Variants in ADAMTSL3 observed in about 807,000 individuals in gnomAD.
The protein encoded by ADAMTSL3 is ADAMTS like 3.
In ADAMTSL3, 128 loss-of-function variants were observed where a neutral mutation model predicts 201.7. The observed-to-expected ratio is 0.63, with a 90% CI of 0.55 to 0.73. ADAMTSL3 has a LOEUF of 0.73. Among genes scored for constraint, ADAMTSL3 ranks in the 30% least tolerant of loss-of-function variants. The probability of loss-of-function intolerance (pLI) is 0.00; values close to 1 mark genes in which losing one functional copy is unlikely to be tolerated. For synonymous variants in ADAMTSL3, 738 were observed against 748.4 expected, an observed-to-expected ratio of 0.99 and a Z score of 0.23; for missense variants, 1,990 against 2,119.6, an observed-to-expected ratio of 0.94 and a Z score of 1.20.
At chr15:83,984,161 C>G (rs1030489379) in intron 21 of ADAMTSL3, among the ~76,000 whole-genome samples, 2 of 152,144 alleles carry the variant, frequency 1.3e-5, no homozygotes, top group Admixed American at 6.5e-5. Context: ...ATACAAAGTA[C>G]TATAGACATT....
intron 21 of ADAMTSL3, among the ~76,000 whole-genome samples, chr15:83,986,991 G>C (rs2067492097): frequency 6.6e-6 from 1 of 152,186 alleles, no homozygotes; most frequent in Non-Finnish European, 1.5e-5. Flanking sequence ...CGCATGCTCA[G>C]CTATTTCTGA....
chr15:83,788,779 C>G (rs982301698), intron 4 of ADAMTSL3, among the ~76,000 whole-genome samples: 1 of 151,888 alleles, frequency 6.6e-6, no homozygotes, highest in Non-Finnish European at 1.5e-5. Context: ...ATGATTTCTT[C>G]TATTCATTTT....
At chr15:83,783,927 C>G (rs1240253120) in intron 4 of ADAMTSL3, among the ~76,000 whole-genome samples, 3 of 151,836 alleles carry the variant, frequency 2.0e-5, no homozygotes. Flanking sequence ...TTGATCAAGT[C>G]CCTTGCAAAT....
At chr15:83,743,051 T>C (rs539677852) in intron 3 of ADAMTSL3, among the ~76,000 whole-genome samples, 1 of 152,320 alleles carries the variant, frequency 6.6e-6, no homozygotes, top group Non-Finnish European at 1.5e-5. Flanking sequence ...TGCTTATATC[T>C]AGTACTTACA....
chr15:83,890,005 A>T, intron 10 of ADAMTSL3, 104 bp from the exon 11 acceptor site: 2 of 1,271,374 alleles, frequency 1.6e-6, no homozygotes, highest in Non-Finnish European at 2.2e-6. Context: ...CCACTGAGTT[A>T]AGTTTCTTAA....
At position 83,807,246 on chromosome 15, in the gene ADAMTSL3, G is replaced by A. The variant is rs572827914; in HGVS notation, c.363+2551G>A. On this transcript the variant is annotated intron_variant, in intron 5 of 29. Transcript: ENST00000286744. ...TGAGGCAGGTGGATCACGAGGTCAG[G>A]AATTCAAAAACTAGCCTGGCCAACA... 1.2e-4 allele frequency among the ~76,000 whole-genome samples: 18 copies of A among 152,258 alleles called. 1 individual carries two copies. The South Asian group carries it at 3.7e-3, about 32-fold the overall frequency.
At chr15:84,020,705 T>C (rs913972151) in intron 25 of ADAMTSL3, among the ~76,000 whole-genome samples, 1 of 152,216 alleles carries the variant, frequency 6.6e-6, no homozygotes, top group Non-Finnish European at 1.5e-5. Flanking sequence ...CATCATCATG[T>C]CCTACCTCAT....
At chr15:83,877,224 C>T (rs1270380826) in intron 9 of ADAMTSL3, among the ~76,000 whole-genome samples, 2 of 152,194 alleles carry the variant, frequency 1.3e-5, no homozygotes, top group African/African-American at 4.8e-5. Flanking sequence ...ACATGCCCAT[C>T]CCCTAAGATA....
chr15:83,726,017 A>C (rs1593466), intron 3 of ADAMTSL3, among the ~76,000 whole-genome samples: 60,296 of 151,848 alleles, frequency 0.4, 12,966 homozygotes, highest in South Asian at 0.63. Context: ...GATTCTTCCA[A>C]CCCATGAATA....
rs141415321 is a variant in ADAMTSL3 at position 83,714,195 on chromosome 15, A to G, written c.189+9687A>G. Among the ~76,000 whole-genome samples, 734 of 152,296 alleles carry G rather than the reference A, an allele frequency of 4.8e-3. 10 individuals carry two copies. The highest frequency in any genetic ancestry group is 0.017 in the African/African-American group (699 of 41,570). On this transcript the variant is annotated intron_variant, in intron 3 of 29. Coordinates refer to ENST00000286744, the MANE Select transcript of ADAMTSL3 (RefSeq NM_207517.3). ...CTGAGACAGTCCCAATTTCCACCCT[A>G]TCTTCTAGCTTGGACTTTAATGTCC... is the stretch of plus-strand genomic sequence containing the variant.
At chr15:83,759,718 CATTGCCTA>C (rs2062778617) in intron 3 of ADAMTSL3, among the ~76,000 whole-genome samples, 2 of 152,276 alleles carry the variant, frequency 1.3e-5, no homozygotes, top group South Asian at 4.1e-4. Context: ...GAATCTCAGC[CATTGCCTA>C]TCCTGTGGCA....
chr15:83,769,974 A>G (rs547920390), intron 3 of ADAMTSL3, among the ~76,000 whole-genome samples: 12 of 152,182 alleles, frequency 7.9e-5, no homozygotes, highest in African/African-American at 2.4e-4. Flanking sequence ...TACACCAAGA[A>G]TATGTGGTTT....
At chr15:83,674,868 T>C (rs1008022416) in intron 2 of ADAMTSL3, among the ~76,000 whole-genome samples, 1 of 150,128 alleles carries the variant, frequency 6.7e-6, no homozygotes, top group African/African-American at 2.4e-5. Context: ...TTTACTGTGT[T>C]GAGTCTTCCC....
intron 19 of ADAMTSL3, among the ~76,000 whole-genome samples, chr15:83,959,761 A>C (rs2066926888): frequency 6.6e-6 from 1 of 152,228 alleles, no homozygotes; most frequent in Non-Finnish European, 1.5e-5. Flanking sequence ...TGCTTTGTGA[A>C]TGATAATTAA....
At chr15:83,895,698 A>G (rs919224741) in intron 13 of ADAMTSL3, among the ~76,000 whole-genome samples, 1 of 152,230 alleles carries the variant, frequency 6.6e-6, no homozygotes, top group African/African-American at 2.4e-5. Flanking sequence ...CAGTTGTAGT[A>G]TAGTTATATC....
intron 20 of ADAMTSL3, among the ~76,000 whole-genome samples, chr15:83,972,306 A>C (rs1408348820): frequency 6.6e-6 from 1 of 152,150 alleles, no homozygotes; most frequent in East Asian, 1.9e-4. Flanking sequence ...CAAAATCTTG[A>C]GTCCAAAAAC....
intron 15 of ADAMTSL3, among the ~76,000 whole-genome samples, chr15:83,906,356 G>T (rs921831075): frequency 6.6e-6 from 1 of 151,958 alleles, no homozygotes; most frequent in Admixed American, 6.6e-5. Context: ...CTAATTTTGA[G>T]TCTTCCCATT....
At chr15:83,803,777 T>TA (rs2063558616) in intron 4 of ADAMTSL3, among the ~76,000 whole-genome samples, 1 of 152,268 alleles carries the variant, frequency 6.6e-6, no homozygotes, top group South Asian at 2.1e-4. Context: ...TTCTCAAACT[T>TA]ACCAGTATTA....
intron 3 of ADAMTSL3, among the ~76,000 whole-genome samples, chr15:83,765,810 G>A (rs1461960259): frequency 6.6e-6 from 1 of 152,086 alleles, no homozygotes; most frequent in East Asian, 1.9e-4. Flanking sequence ...AACACAAAGT[G>A]CATACTGCTT....
Sources: gnomAD v4.1 joint callset for allele counts (sites outside exome capture counted in the v4.1 genomes callset) on GRCh38, gnomAD v4.1.1 for gene constraint, MANE v1.5 for transcripts, NCBI Gene and HGNC (gene_info 2026-07-23, HGNC 2026-07-21) for gene names.